Variants in ARL15 observed in about 807,000 individuals in gnomAD.
ARL15 encodes ADP-ribosylation factor-like protein 15.
Under a neutral mutation model 25.2 loss-of-function variants are expected in ARL15, and 19 were observed. The ratio of observed to expected loss-of-function variants is 0.75; its 90% CI spans 0.53 to 1.10. The LOEUF is 1.10. Ranked by LOEUF, ARL15 falls within the 50% of genes least tolerant of loss-of-function variation. The pLI, the probability that ARL15 is intolerant of heterozygous loss-of-function variation, is 0.00. For synonymous variants in ARL15, 94 were observed against 86.8 expected, an observed-to-expected ratio of 1.08 and a Z score of -0.46; for missense variants, 220 against 246.0, an observed-to-expected ratio of 0.89 and a Z score of 0.71.
At chr5:54,058,399 G>C (rs1247582237) in intron 4 of ARL15, among the ~76,000 whole-genome samples, 10 of 152,114 alleles carry the variant, frequency 6.6e-5, no homozygotes, top group Admixed American at 6.5e-4. Flanking sequence ...AAATAAACAA[G>C]TATTTGTTGA....
chr5:54,114,914 G>C (rs1321861033), intron 3 of ARL15, among the ~76,000 whole-genome samples: 1 of 152,162 alleles, frequency 6.6e-6, no homozygotes, highest in Non-Finnish European at 1.5e-5. Flanking sequence ...GTTAATAACT[G>C]TATTTCAGTC....
chr5:53,989,895 G>A (rs1748425815), intron 4 of ARL15, among the ~76,000 whole-genome samples: 1 of 152,270 alleles, frequency 6.6e-6, no homozygotes, highest in East Asian at 1.9e-4. Flanking sequence ...ACTAGATTAA[G>A]AACAGGGCAG....
At chr5:54,142,933 C>T (rs996575381) in intron 3 of ARL15, among the ~76,000 whole-genome samples, 4 of 152,146 alleles carry the variant, frequency 2.6e-5, no homozygotes, top group Non-Finnish European at 5.9e-5. Context: ...ATTCATGACA[C>T]AAGACTGGAG....
At chr5:53,996,486 G>A (rs1442470413) in intron 4 of ARL15, among the ~76,000 whole-genome samples, 3 of 152,224 alleles carry the variant, frequency 2.0e-5, no homozygotes, top group African/African-American at 7.2e-5. Flanking sequence ...GGGCACGGTG[G>A]TGCACATCTG....
intron 1 of ARL15, among the ~76,000 whole-genome samples, chr5:54,213,230 G>T (rs1756093545): frequency 6.6e-6 from 1 of 152,066 alleles, no homozygotes; most frequent in Non-Finnish European, 1.5e-5. Context: ...GTGTAAGAAG[G>T]GTAGTTAACT....
chr5:54,051,655 A>C (rs1750704788), intron 4 of ARL15, among the ~76,000 whole-genome samples: 1 of 152,210 alleles, frequency 6.6e-6, no homozygotes, highest in Admixed American at 6.5e-5. Context: ...TAAAATTCAA[A>C]ACAGTACCAC....
intron 3 of ARL15, among the ~76,000 whole-genome samples, chr5:54,138,805 A>T (rs1352008040): frequency 2.0e-5 from 3 of 152,208 alleles, no homozygotes; most frequent in African/African-American, 4.8e-5. Flanking sequence ...ATCTACAAGG[A>T]ACTCAAACAA....
chr5:54,034,804 G>A (rs1320696549), intron 4 of ARL15, among the ~76,000 whole-genome samples: 1 of 151,442 alleles, frequency 6.6e-6, no homozygotes, highest in Non-Finnish European at 1.5e-5. Context: ...GACTACAAAA[G>A]CACATGCCGC....
intron 4 of ARL15, among the ~76,000 whole-genome samples, chr5:53,917,686 G>C (rs1012683765): frequency 2.0e-5 from 3 of 152,074 alleles, no homozygotes; most frequent in African/African-American, 4.8e-5. Flanking sequence ...CAAGTCTCTG[G>C]CTTGAGAAGA....
chr5:54,308,850 ATTTTCT>A lies in ARL15; in HGVS notation c.48+1576_48+1581del, dbSNP rs529120449. ...AATAATAAAATGTCAGAACCACCTG[ATTTTCT>A]TTTTTAAGAACTATTTAAGTATTCA... On this transcript the variant is annotated intron_variant, in intron 1 of 4. Transcript: ENST00000504924. Among the ~76,000 whole-genome samples, 255 of 152,282 alleles carry A rather than the reference ATTTTCT, an allele frequency of 1.7e-3. 1 individual carries two copies. The highest frequency in any genetic ancestry group is 1.9e-3 in the Non-Finnish European group (128 of 68,012).
chr5:54,256,477 A>G (rs1202762634), intron 1 of ARL15, among the ~76,000 whole-genome samples: 1 of 151,182 alleles, frequency 6.6e-6, no homozygotes, highest in African/African-American at 2.4e-5. Flanking sequence ...TCACAGCCGA[A>G]TTCTACCAGA....
intron 3 of ARL15, among the ~76,000 whole-genome samples, chr5:54,143,973 T>C (rs1185712234): frequency 6.6e-6 from 1 of 151,938 alleles, no homozygotes; most frequent in Non-Finnish European, 1.5e-5. Context: ...ATACCCTAAA[T>C]AAAAAAAGAA....
At chr5:54,116,939 T>C (rs1752917184) in intron 3 of ARL15, among the ~76,000 whole-genome samples, 1 of 152,158 alleles carries the variant, frequency 6.6e-6, no homozygotes, top group Non-Finnish European at 1.5e-5. Flanking sequence ...GGAACCCTAT[T>C]GGAACAAAAG....
chr5:54,294,049 A>T (rs897604420), intron 1 of ARL15, among the ~76,000 whole-genome samples: 1 of 152,096 alleles, frequency 6.6e-6, no homozygotes, highest in African/African-American at 2.4e-5. Flanking sequence ...TCCTGACCTC[A>T]TGTGATCCGC....
At chr5:54,079,527 G>A (rs2112103434) in intron 4 of ARL15, among the ~76,000 whole-genome samples, 1 of 152,058 alleles carries the variant, frequency 6.6e-6, no homozygotes, top group Non-Finnish European at 1.5e-5. Context: ...ATATATTGAT[G>A]AGAAAAAAAA....
At chr5:53,951,718 T>A (rs1027542501) in intron 4 of ARL15, 1 of 328,692 alleles carries the variant, frequency 3.0e-6, no homozygotes, top group South Asian at 2.7e-5. Context: ...ATTAACTAGA[T>A]AAAATTATAG....
chr5:54,300,996 G>T (rs1161054971), intron 1 of ARL15, among the ~76,000 whole-genome samples: 2 of 152,204 alleles, frequency 1.3e-5, no homozygotes, highest in Non-Finnish European at 2.9e-5. Context: ...TTTCCGCACA[G>T]CTATTCCTTT....
At chr5:54,310,327 A>T in intron 1 of ARL15, 105 bp downstream of exon 1, 2 of 1,313,478 alleles carry the variant, frequency 1.5e-6, no homozygotes, top group Non-Finnish European at 2.1e-6. Flanking sequence ...CCCCAGAGGC[A>T]TCCTATCCCA....
At chr5:54,203,843 T>A (rs770667783) in intron 1 of ARL15, among the ~76,000 whole-genome samples, 78 of 152,252 alleles carry the variant, frequency 5.1e-4, no homozygotes, top group South Asian at 1.5e-3. Flanking sequence ...TAAAACTACC[T>A]TTTTTCAATT....
Sources: gnomAD v4.1 joint callset for allele counts (sites outside exome capture counted in the v4.1 genomes callset) on GRCh38, gnomAD v4.1.1 for gene constraint, MANE v1.5 for transcripts, NCBI Gene and HGNC (gene_info 2026-07-23, HGNC 2026-07-21) for gene names.